CSMD1: variants seen among roughly 807,000 people sequenced by gnomAD.
The protein encoded by CSMD1 is CUB and sushi domain-containing protein 1.
In CSMD1, 213 loss-of-function variants were observed where a neutral mutation model predicts 417.5. The observed-to-expected ratio is 0.51, with a 90% CI of 0.46 to 0.57. CSMD1 has a LOEUF of 0.57. Ranked by LOEUF, CSMD1 falls within the 20% of genes least tolerant of loss-of-function variation. The pLI, the probability that CSMD1 is intolerant of heterozygous loss-of-function variation, is 0.00. For synonymous variants in CSMD1, 2,862 were observed against 1,736.8 expected (o/e 1.65, Z -16.11); for missense variants, 6,923 against 4,529.7 (o/e 1.53, Z -15.17).
At chr8:3,907,786 C>T (rs375585445) in intron 5 of CSMD1, among the ~76,000 whole-genome samples, 9 of 152,148 alleles carry the variant, frequency 5.9e-5, no homozygotes, top group African/African-American at 2.2e-4. Context: ...TAGAATCACC[C>T]GCTGCTCGTA....
At chr8:4,271,402 G>T (rs566097781) in intron 3 of CSMD1, among the ~76,000 whole-genome samples, 2 of 152,094 alleles carry the variant, frequency 1.3e-5, no homozygotes, top group African/African-American at 2.4e-5. Context: ...ACGTAGCTTT[G>T]CCTGATGCCC....
intron 3 of CSMD1, among the ~76,000 whole-genome samples, chr8:4,288,837 C>G (rs1797205587): frequency 6.6e-6 from 1 of 152,230 alleles, no homozygotes; most frequent in African/African-American, 2.4e-5. Flanking sequence ...CAGTAAAGCA[C>G]TAATATAGGA....
chr8:4,300,738 C>T (rs567759231), intron 3 of CSMD1, among the ~76,000 whole-genome samples: 11 of 152,242 alleles, frequency 7.2e-5, no homozygotes, highest in Admixed American at 2.0e-4. Context: ...CCTGCGTCCA[C>T]GTGTTCTGGT....
intron 7 of CSMD1, among the ~76,000 whole-genome samples, chr8:3,617,947 C>A (rs188972125): frequency 6.6e-6 from 1 of 152,080 alleles, no homozygotes; most frequent in Non-Finnish European, 1.5e-5. Context: ...ATGTGGAACT[C>A]GTGAAGCATT....
intron 1 of CSMD1, among the ~76,000 whole-genome samples, chr8:4,831,817 C>T (rs1322142921): frequency 6.6e-6 from 1 of 152,124 alleles, no homozygotes; most frequent in African/African-American, 2.4e-5. Flanking sequence ...TCTCCCACCC[C>T]CTCCCCTGAC....
intron 2 of CSMD1, among the ~76,000 whole-genome samples, chr8:4,421,025 T>A (rs888973490): frequency 6.6e-6 from 1 of 152,152 alleles, no homozygotes; most frequent in Non-Finnish European, 1.5e-5. Context: ...TGCTTTTATT[T>A]TTTAATTCAG....
At chr8:4,091,898 G>C (rs1800741385) in intron 3 of CSMD1, among the ~76,000 whole-genome samples, 1 of 152,174 alleles carries the variant, frequency 6.6e-6, no homozygotes, top group African/African-American at 2.4e-5. Flanking sequence ...ACCGTACAGA[G>C]TTTTAAATAG....
chr8:4,192,307 T>TTA (rs1313794213), intron 3 of CSMD1, among the ~76,000 whole-genome samples: 6 of 152,328 alleles, frequency 3.9e-5, no homozygotes, highest in Admixed American at 6.5e-5. Flanking sequence ...AAGTATGCAA[T>TTA]TACATTGTCC....
chr8:4,465,558 G>C (rs1800115472), intron 2 of CSMD1, among the ~76,000 whole-genome samples: 1 of 152,162 alleles, frequency 6.6e-6, no homozygotes. Flanking sequence ...TGGAAGTCAA[G>C]TAAAGCAATG....
chr8:4,637,861 G>A (rs1416400059), intron 1 of CSMD1, among the ~76,000 whole-genome samples: 3 of 150,568 alleles, frequency 2.0e-5, no homozygotes, highest in African/African-American at 7.3e-5. Context: ...TAGTAGAGAC[G>A]GGGTTTCACC....
intron 6 of CSMD1, among the ~76,000 whole-genome samples, chr8:3,740,814 G>C (rs932757532): frequency 1.3e-5 from 2 of 152,326 alleles, no homozygotes; most frequent in Admixed American, 6.5e-5. Context: ...AGCTTAGGGA[G>C]GCTATGCAGG....
At chr8:4,086,873 G>C (rs573957419) in intron 3 of CSMD1, among the ~76,000 whole-genome samples, 3 of 152,308 alleles carry the variant, frequency 2.0e-5, no homozygotes, top group South Asian at 2.1e-4. Flanking sequence ...GCATAAGAGA[G>C]TAAACTGCAA....
At chr8:3,732,009 A>C (rs1796296068) in intron 6 of CSMD1, among the ~76,000 whole-genome samples, 2 of 151,926 alleles carry the variant, frequency 1.3e-5, no homozygotes, top group African/African-American at 2.4e-5. Context: ...ACATTGTAAG[A>C]AGAGCAGAAT....
intron 1 of CSMD1, among the ~76,000 whole-genome samples, chr8:4,652,066 C>T (rs563960053): frequency 2.6e-5 from 4 of 152,238 alleles, no homozygotes; most frequent in African/African-American, 9.6e-5. Flanking sequence ...TCAGGAAGAA[C>T]TTGAATTGTC....
rs150262081 is a variant in CSMD1 at position 4,303,959 on chromosome 8, C to G, written c.415+115994G>C. 5.3e-3 allele frequency among the ~76,000 whole-genome samples: 801 copies of G among 152,290 alleles called. 4 individuals carry two copies. The highest frequency in any genetic ancestry group is 0.019 in the African/African-American group (774 of 41,562). On this transcript the variant is annotated intron_variant, in intron 3 of 69. Transcript: ENST00000635120. ...GATAAGCTCCAGCTGCCACTTTTCC[C>G]TCTTCCTTTTGCCTCCTCCTGCCTA...
chr8:3,973,101 G>C (rs1283708745), intron 5 of CSMD1, among the ~76,000 whole-genome samples: 1 of 152,164 alleles, frequency 6.6e-6, no homozygotes, highest in Non-Finnish European at 1.5e-5. Context: ...ATTTTTGCAA[G>C]CCTGCTTTCT....
chr8:4,105,862 C>T (rs185150465), intron 3 of CSMD1, among the ~76,000 whole-genome samples: 1 of 152,186 alleles, frequency 6.6e-6, no homozygotes, highest in Non-Finnish European at 1.5e-5. Context: ...CTTCCCGGGA[C>T]AACAGAGCAG....
At chr8:4,014,763 T>G (rs1172003009) in intron 4 of CSMD1, among the ~76,000 whole-genome samples, 2 of 152,200 alleles carry the variant, frequency 1.3e-5, no homozygotes, top group Non-Finnish European at 2.9e-5. Flanking sequence ...GAAGGGCATT[T>G]ACCTGGGCAT....
At chr8:3,198,835 A>C (rs1436485674) in intron 33 of CSMD1, among the ~76,000 whole-genome samples, 3 of 152,232 alleles carry the variant, frequency 2.0e-5, no homozygotes, top group African/African-American at 7.2e-5. Context: ...TGCTAAGAAA[A>C]AATTTTTCTC....
Sources: allele counts gnomAD v4.1 joint callset (sites outside exome capture counted in the v4.1 genomes callset), GRCh38; gene constraint gnomAD v4.1.1; transcripts MANE v1.5; gene names NCBI Gene and HGNC (gene_info 2026-07-23, HGNC 2026-07-21).